CDK14: variants seen among roughly 807,000 people sequenced by gnomAD.
CDK14 encodes the protein cyclin-dependent kinase 14.
CDK14 carries 34 observed loss-of-function variants against 60.7 expected under a neutral mutation model. That is an observed-to-expected ratio of 0.56 (90% CI 0.43 to 0.75). The LOEUF (loss-of-function observed/expected upper bound fraction) is 0.75, where lower values mean the gene tolerates loss of function less well. CDK14 is among the 30% of genes least tolerant of loss of function. The pLI is 0.00. For missense variants in CDK14, 482 were observed against 564.1 expected, an observed-to-expected ratio of 0.85 and a Z score of 1.47; for synonymous variants, 197 against 203.7, an observed-to-expected ratio of 0.97 and a Z score of 0.28.
intron 2 of CDK14, among the ~76,000 whole-genome samples, chr7:90,722,298 G>A (rs1802487339): frequency 6.6e-6 from 1 of 152,082 alleles, no homozygotes; most frequent in African/African-American, 2.4e-5. Context: ...TGCCCTCCCT[G>A]GCTCAAGAGA....
chr7:90,660,272 CA>C (rs1800842508), intron 2 of CDK14, among the ~76,000 whole-genome samples: 1 of 152,072 alleles, frequency 6.6e-6, no homozygotes, highest in Non-Finnish European at 1.5e-5. Flanking sequence ...TTTGCTAAAT[CA>C]AATACTGGCT....
At chr7:90,859,931 TG>T (rs1029818898) in intron 5 of CDK14, among the ~76,000 whole-genome samples, 10 of 152,196 alleles carry the variant, frequency 6.6e-5, no homozygotes, top group African/African-American at 2.2e-4. Context: ...ATAGGCAGAA[TG>T]TTTTTTTGTT....
At chr7:90,732,182 G>A (rs57166966) in intron 3 of CDK14, among the ~76,000 whole-genome samples, 12,542 of 152,204 alleles carry the variant, frequency 0.082, 585 homozygotes, top group South Asian at 0.11. Context: ...GCATTCCAGG[G>A]ATGAAGCCGA....
intron 11 of CDK14, among the ~76,000 whole-genome samples, chr7:91,070,735 G>A (rs781413156): frequency 6.6e-6 from 1 of 151,634 alleles, no homozygotes; most frequent in Non-Finnish European, 1.5e-5. Flanking sequence ...CTCCAGCCTG[G>A]GTGACAGAGC....
At chr7:90,899,961 G>A (rs1792451155) in intron 7 of CDK14, among the ~76,000 whole-genome samples, 1 of 152,054 alleles carries the variant, frequency 6.6e-6, no homozygotes, top group Admixed American at 6.6e-5. Context: ...TATCTGATAT[G>A]GCTTAATTAT....
At chr7:90,698,242 T>C (rs934654010) in intron 2 of CDK14, among the ~76,000 whole-genome samples, 3 of 152,160 alleles carry the variant, frequency 2.0e-5, no homozygotes, top group African/African-American at 7.2e-5. Flanking sequence ...TACTACATTT[T>C]ATAAGTGTTT....
intron 14 of CDK14, among the ~76,000 whole-genome samples, chr7:91,203,124 TAA>T (rs34109717): frequency 8.0e-5 from 12 of 149,172 alleles, no homozygotes; most frequent in African/African-American, 2.5e-4. Context: ...GTCATGGAGT[TAA>T]AAAAAAAAAT....
intron 4 of CDK14, among the ~76,000 whole-genome samples, chr7:90,768,220 G>A (rs912017449): frequency 6.6e-6 from 1 of 152,210 alleles, no homozygotes; most frequent in African/African-American, 2.4e-5. Context: ...TGTAGAGGAT[G>A]TTTATAGTTG....
chr7:90,959,801 C>A (rs1794545899), intron 9 of CDK14, among the ~76,000 whole-genome samples: 2 of 152,050 alleles, frequency 1.3e-5, no homozygotes, highest in Non-Finnish European at 2.9e-5. Flanking sequence ...AACAAACAAC[C>A]CTGTGTGATT....
intron 2 of CDK14, among the ~76,000 whole-genome samples, chr7:90,687,312 G>A (rs6465279): frequency 3.9e-5 from 6 of 151,958 alleles, no homozygotes; most frequent in Non-Finnish European, 4.4e-5. Flanking sequence ...TATTAACCGA[G>A]CAGAGTTAAG....
rs559425949 is a variant in CDK14, at chr7:91,085,800, G to A, written c.1154+6320G>A. 1.7e-3 allele frequency among the ~76,000 whole-genome samples: 259 copies of A among 152,280 alleles called. 1 individual carries two copies. The highest frequency in any genetic ancestry group is 3.1e-3 in the Non-Finnish European group (212 of 68,032). Reference sequence around the variant, plus strand: ...TGGTATCTTTAAAATTATGTATAAGGAAGAAATCAGTTTTTATCTCTAGCA... The same window carrying A: ...TGGTATCTTTAAAATTATGTATAAGAAAGAAATCAGTTTTTATCTCTAGCA... On this transcript the variant is annotated intron_variant, in intron 12 of 14. Transcript: ENST00000380050.
chr7:90,706,811 G>T lies in CDK14; in HGVS notation c.124-19756G>T, dbSNP rs764518651. On this transcript the variant is annotated intron_variant, in intron 2 of 14. Transcript: ENST00000380050. ...ATGAGTGTTGTGCTCAGATCCACTT[G>T]GTCAGTGGGTGCCTAGGGTGAACAG... Among the ~76,000 whole-genome samples, 19 of 152,282 alleles carry T rather than the reference G, an allele frequency of 1.2e-4. 1 individual carries two copies. Among genetic ancestry groups the T allele is most frequent in the East Asian group, 9.6e-4 (5 of 5,184 alleles).
chr7:91,015,568 C>T (rs2115842023), intron 10 of CDK14, among the ~76,000 whole-genome samples: 1 of 127,826 alleles, frequency 7.8e-6, no homozygotes, highest in South Asian at 2.6e-4. Context: ...CGCTTTGTTG[C>T]CCAGGCTGGA....
intron 8 of CDK14, among the ~76,000 whole-genome samples, chr7:90,950,949 T>G (rs1291088131): frequency 1.3e-5 from 2 of 151,290 alleles, no homozygotes; most frequent in Non-Finnish European, 3.0e-5. Context: ...ATAGAGTATC[T>G]TCAAACAGTG....
chr7:91,079,361 GT>G lies in CDK14; in HGVS notation c.1106-65del, dbSNP rs1562895719. ...AGCCCACTCTTTTTTTAAAGTTGAAGTTTTTTCAACATACTTGTAATATATA... is the reference window on the plus strand; with the variant it reads ...AGCCCACTCTTTTTTTAAAGTTGAAGTTTTTCAACATACTTGTAATATATA... On this transcript the variant is annotated intron_variant, in intron 11 of 14. Coordinates refer to ENST00000380050, the MANE Select transcript of CDK14 (RefSeq NM_001287135.2). 4 of 1,073,762 alleles carry G rather than the reference GT, an allele frequency of 3.7e-6. No individual in the cohort carries two copies. The East Asian group carries it at 9.8e-5, about 26-fold the overall frequency. The allele number at this position is 1,073,762 out of a possible 1,614,324, so 66.5% of individuals were successfully genotyped here.
chr7:90,681,008 T>C (rs1373040879), intron 2 of CDK14, among the ~76,000 whole-genome samples: 1 of 152,180 alleles, frequency 6.6e-6, no homozygotes, highest in Non-Finnish European at 1.5e-5. Flanking sequence ...GATAGTACAT[T>C]GTGGAGTTTA....
chr7:90,678,211 G>A (rs1237006391), intron 2 of CDK14, among the ~76,000 whole-genome samples: 1 of 152,180 alleles, frequency 6.6e-6, no homozygotes, highest in Non-Finnish European at 1.5e-5. Context: ...CCACAGCGTT[G>A]GAGGATGGGC....
intron 6 of CDK14, among the ~76,000 whole-genome samples, chr7:90,890,201 C>T (rs1461249809): frequency 1.3e-5 from 2 of 152,124 alleles, no homozygotes; most frequent in South Asian, 2.1e-4. Flanking sequence ...AGTGAGAGTC[C>T]GTTTCTGTAA....
At chr7:90,977,604 A>G (rs1795115900) in intron 9 of CDK14, among the ~76,000 whole-genome samples, 1 of 152,094 alleles carries the variant, frequency 6.6e-6, no homozygotes, top group East Asian at 1.9e-4. Context: ...GTCTTACGGG[A>G]AATCATGACA....
Sources: gnomAD v4.1 joint callset for allele counts (sites outside exome capture counted in the v4.1 genomes callset) on GRCh38, gnomAD v4.1.1 for gene constraint, MANE v1.5 for transcripts, NCBI Gene and HGNC (gene_info 2026-07-23, HGNC 2026-07-21) for gene names.